CFAP54: variants seen among roughly 807,000 people sequenced by gnomAD.
CFAP54 encodes cilia and flagella associated protein 54, also known as cilia- and flagella-associated protein 54.
A neutral mutation model predicts 370.4 loss-of-function variants in CFAP54; 290 were observed. That is an observed-to-expected ratio of 0.78 (90% CI 0.71 to 0.86). CFAP54 has a LOEUF of 0.86. Among genes scored for constraint, CFAP54 ranks in the 40% least tolerant of loss-of-function variants. The pLI, the probability that CFAP54 is intolerant of heterozygous loss-of-function variation, is 0.00. For synonymous variants in CFAP54, 1,206 were observed against 1,236.5 expected, an observed-to-expected ratio of 0.98 and a Z score of 0.52; for missense variants, 3,399 against 3,528.7, an observed-to-expected ratio of 0.96 and a Z score of 0.93.
At chr12:96,825,335 TTATATATTA>T in intron 65 of CFAP54, among the ~76,000 whole-genome samples, 2 of 126,344 alleles carry the variant, frequency 1.6e-5, no homozygotes, top group African/African-American at 6.1e-5. Context: ...ATATAACATG[TTATATATTA>T]TGTAACATGT....
Position 96,658,341 on chromosome 12 carries a change from G to A in CFAP54, c.5455G>A (p.Glu1819Lys), listed in dbSNP as rs780457381. The A allele has an allele frequency of 6.2e-7, 1 of 1,614,052 alleles. No individual in the cohort carries two copies. Among genetic ancestry groups the A allele is most frequent in the South Asian group, 1.1e-5 (1 of 91,052 alleles). Reference protein sequence around the residue: ...PCARYEAEYGEKITCRNFIGK... With the variant: ...PCARYEAEYGKKITCRNFIGK... The stretch of plus-strand genomic sequence containing the variant: ...TGCAAGGTATGAGGCTGAATATGGA[G>A]AGAAGGTAAGTTTAAGTTAGTTCTA... Residue 1819 changes from glutamate (E) to lysine (K), a missense_variant, in exon 38 of 68, where the codon GAG (glutamate) becomes AAG (lysine). This residue lies in a region of CFAP54 where 2,796 missense variants were observed against 2,869.7 expected (regional missense o/e 0.97). Coordinates refer to ENST00000524981, the MANE Select transcript of CFAP54 (RefSeq NM_001306084.2).
intron 58 of CFAP54, among the ~76,000 whole-genome samples, chr12:96,760,555 CAG>C (rs1423615727): frequency 2.0e-5 from 3 of 152,194 alleles, no homozygotes; most frequent in East Asian, 3.8e-4. Flanking sequence ...TTTTCTGAGA[CAG>C]AGTCTTGCTC....
chr12:96,658,848 G>C (rs1956955762), intron 38 of CFAP54, among the ~76,000 whole-genome samples: 1 of 152,114 alleles, frequency 6.6e-6, no homozygotes, highest in African/African-American at 2.4e-5. Context: ...TATCAGCCAG[G>C]ATTCAATCAG....
At chr12:96,807,385 T>C (rs1184201088) in intron 63 of CFAP54, among the ~76,000 whole-genome samples, 1 of 152,156 alleles carries the variant, frequency 6.6e-6, no homozygotes, top group African/African-American at 2.4e-5. Flanking sequence ...TTTTCTTAGG[T>C]GATTAAGATA....
intron 63 of CFAP54, among the ~76,000 whole-genome samples, chr12:96,795,509 C>T (rs762453014): frequency 4.6e-5 from 7 of 151,584 alleles, no homozygotes; most frequent in Non-Finnish European, 8.8e-5. Flanking sequence ...GTTACGTTCT[C>T]GGGGAGATTA....
chr12:96,747,834 C>G (rs184390643), intron 55 of CFAP54, among the ~76,000 whole-genome samples: 3 of 152,242 alleles, frequency 2.0e-5, no homozygotes, highest in Admixed American at 2.0e-4. Context: ...TTAAACAGTG[C>G]CTGGCACACA....
rs972810855 is a variant in CFAP54, at chr12:96,500,505, A to G, written c.318-329A>G. On this transcript the variant is annotated intron_variant, in intron 1 of 67. Transcript: ENST00000524981. The stretch of plus-strand genomic sequence containing the variant: ...CAACAAAGGTACCATTCTAGTGGAG[A>G]TGTTGATAATGGGGAGGGCTGTGCA... 5.3e-5 allele frequency among the ~76,000 whole-genome samples: 8 copies of G among 152,132 alleles called. 1 individual carries two copies. The highest frequency in any genetic ancestry group is 1.9e-4 in the African/African-American group (8 of 41,430).
chr12:96,726,389 C>G (rs1431415591), intron 50 of CFAP54, among the ~76,000 whole-genome samples: 4 of 152,170 alleles, frequency 2.6e-5, no homozygotes, highest in African/African-American at 9.7e-5. Flanking sequence ...CAACTGCTTC[C>G]TGGTTTAGTC....
chr12:96,850,150 G>A (rs1222901618), intron 66 of CFAP54, among the ~76,000 whole-genome samples: 5 of 151,310 alleles, frequency 3.3e-5, no homozygotes, highest in South Asian at 2.1e-4. Context: ...AGGCCGAGGC[G>A]GGCAGATCAC....
At chr12:96,829,159 A>G in intron 66 of CFAP54, 71 bp downstream of exon 66, 5 of 858,250 alleles carry the variant, frequency 5.8e-6, no homozygotes, top group Non-Finnish European at 8.9e-6. Context: ...GGAAATATAG[A>G]AAACATCTAA....
rs71068829 is a variant in CFAP54 at position 96,738,608 on chromosome 12, C to CTTTTTTTTT, written c.6966-1335_6966-1327dup. On this transcript the variant is annotated intron_variant, in intron 50 of 67. Transcript: ENST00000524981. ...CCAAGCACGTCTATGTCTAAATCTC[C>CTTTTTTTTT]TTTTTTTTTTTTTTTTTTTTTGAAA... 1.5e-5 allele frequency among the ~76,000 whole-genome samples: 2 copies of CTTTTTTTTT among 129,222 alleles called. 1 individual carries two copies. Among genetic ancestry groups the CTTTTTTTTT allele is most frequent in the East Asian group, 5.1e-4 (2 of 3,952 alleles). 84.8% of individuals were successfully genotyped at this position (129,222 alleles called of 152,430 possible). A position where few individuals can be genotyped will look rare whatever the true frequency, so the allele number is the denominator to read the frequency against.
At chr12:96,670,174 G>T (rs888921963) in intron 39 of CFAP54, among the ~76,000 whole-genome samples, 2 of 152,120 alleles carry the variant, frequency 1.3e-5, no homozygotes, top group African/African-American at 4.8e-5. Context: ...GAGGCATGTG[G>T]TGAACCCCTG....
At chr12:96,829,693 T>C (rs77285379) in intron 66 of CFAP54, among the ~76,000 whole-genome samples, 135 of 151,804 alleles carry the variant, frequency 8.9e-4, no homozygotes, top group African/African-American at 3.1e-3. Flanking sequence ...AAAGTATACG[T>C]ACATTTTTAT....
At chr12:96,818,755 A>G (rs1422252051) in intron 65 of CFAP54, among the ~76,000 whole-genome samples, 1 of 152,192 alleles carries the variant, frequency 6.6e-6, no homozygotes, top group African/African-American at 2.4e-5. Context: ...GATAGCCCAG[A>G]AGGGGTTGAG....
chr12:96,620,373 A>G (rs898517593), intron 26 of CFAP54, among the ~76,000 whole-genome samples: 2 of 152,178 alleles, frequency 1.3e-5, no homozygotes, highest in African/African-American at 4.8e-5. Flanking sequence ...GATAGTGAAT[A>G]AGTCTCACGA....
At chr12:96,806,411 G>A (rs1958883487) in intron 63 of CFAP54, among the ~76,000 whole-genome samples, 1 of 151,102 alleles carries the variant, frequency 6.6e-6, no homozygotes, top group Admixed American at 6.6e-5. Context: ...GAATGGAACT[G>A]AAACGGTATT....
At chr12:96,537,894 C>T (rs567728346) in intron 12 of CFAP54, among the ~76,000 whole-genome samples, 16 of 151,956 alleles carry the variant, frequency 1.1e-4, no homozygotes, top group African/African-American at 3.9e-4. Context: ...TCGAGACCAG[C>T]CTGGCCAACA....
intron 66 of CFAP54, among the ~76,000 whole-genome samples, chr12:96,849,214 G>A (rs372346608): frequency 2.6e-5 from 4 of 152,170 alleles, no homozygotes; most frequent in African/African-American, 7.2e-5. Context: ...TGAGAATGCT[G>A]GATGAAAATA....
intron 60 of CFAP54, among the ~76,000 whole-genome samples, chr12:96,770,292 AC>A (rs1212306862): frequency 4.6e-5 from 7 of 152,020 alleles, no homozygotes; most frequent in Admixed American, 2.0e-4. Context: ...AGTGAAGCAG[AC>A]TTGTCTTGGT....
Sources: allele counts gnomAD v4.1 joint callset (sites outside exome capture counted in the v4.1 genomes callset), GRCh38; gene constraint gnomAD v4.1.1; regional missense constraint gnomAD v4.1.1; transcripts MANE v1.5; gene names NCBI Gene and HGNC (gene_info 2026-07-23, HGNC 2026-07-21).